The following PHLPP2 variants were observed in gnomAD, a reference collection of about 807,000 sequenced individuals.
PHLPP2 encodes the protein PH domain and leucine rich repeat protein phosphatase 2, also known as PH domain leucine-rich repeat-containing protein phosphatase 2.
A neutral mutation model predicts 124.9 loss-of-function variants in PHLPP2; 66 were observed. That is an observed-to-expected ratio of 0.53 (90% CI 0.43 to 0.65). The LOEUF (loss-of-function observed/expected upper bound fraction) is 0.65. Ranked by LOEUF, PHLPP2 falls within the 30% of genes least tolerant of loss-of-function variation. The probability of loss-of-function intolerance (pLI) is 0.00; values close to 1 mark genes in which losing one functional copy is unlikely to be tolerated. For synonymous variants in PHLPP2, 681 were observed against 624.7 expected, an observed-to-expected ratio of 1.09 and a Z score of -1.34; for missense variants, 1,685 against 1,600.4, an observed-to-expected ratio of 1.05 and a Z score of -0.90.
chr16:71,666,236 T>A (rs2044838694), intron 12 of PHLPP2: 1 of 152,126 alleles, frequency 6.6e-6, no homozygotes, highest in African/African-American at 2.4e-5. Context: ...GTTGTCAGGT[T>A]GGGTGCAGTG....
chr16:71,653,249 C>T (rs986786960), intron 17 of PHLPP2, among the ~76,000 whole-genome samples: 2 of 151,898 alleles, frequency 1.3e-5, no homozygotes, highest in Non-Finnish European at 2.9e-5. Context: ...GAGATAATCT[C>T]CCTTTTGCAT....
intron 9 of PHLPP2, among the ~76,000 whole-genome samples, chr16:71,673,910 T>A (rs1207613259): frequency 1.3e-5 from 2 of 152,126 alleles, no homozygotes; most frequent in Non-Finnish European, 2.9e-5. Context: ...AAGCTACAAT[T>A]TGAAGCTTCT....
In PHLPP2 at chr16:71,691,378, G is replaced by C. The variant is rs558634729; in HGVS notation, c.419-669C>G. On this transcript the variant is annotated intron_variant, in intron 3 of 18. Coordinates refer to ENST00000568954, the MANE Select transcript of PHLPP2 (RefSeq NM_015020.3). ...CAGGAAGCTGAGGCAGGAGAATGGC[G>C]TGAACCCAGAAGGCAAAGCTTGCAG... Among the ~76,000 whole-genome samples the C allele has an allele frequency of 7.9e-5, 12 of 151,896 alleles. No individual in the cohort carries two copies. The South Asian group carries it at 2.5e-3, about 32-fold the overall frequency.
chr16:71,684,664 A>C, intron 4 of PHLPP2, 63 bp from the exon 5 acceptor site: 5 of 1,459,400 alleles, frequency 3.4e-6, no homozygotes, highest in East Asian at 2.3e-5. Context: ...CAAAAAGCAA[A>C]AGGCAATCAC....
intron 4 of PHLPP2, among the ~76,000 whole-genome samples, chr16:71,687,251 T>C (rs1037224198): frequency 1.3e-5 from 2 of 152,208 alleles, no homozygotes; most frequent in Admixed American, 6.5e-5. Context: ...CCCAGTTTTT[T>C]AATGGGTTTG....
intron 3 of PHLPP2, among the ~76,000 whole-genome samples, chr16:71,701,320 C>A (rs1252216858): frequency 3.9e-4 from 3 of 7,776 alleles, no homozygotes; most frequent in Admixed American, 2.2e-3. Flanking sequence ...ATCTATATAT[C>A]TATCTACCTA....
intron 2 of PHLPP2, among the ~76,000 whole-genome samples, chr16:71,702,958 A>T (rs183787374): frequency 6.6e-6 from 1 of 151,836 alleles, no homozygotes; most frequent in Non-Finnish European, 1.5e-5. Flanking sequence ...CCCCACCCTC[A>T]CACCCTTCTG....
Position 71,672,248 on chromosome 16 carries a change from T to C in PHLPP2, c.1532+14A>G, listed in dbSNP as rs746439408. ...TAGTAAGAAGCAAGCGCCACCCTCA[T>C]GAAAGACACTCACCGGGAGAGATCC... On this transcript the variant is annotated intron_variant, in intron 10 of 18. Transcript: ENST00000568954. 6.2e-7 allele frequency: 1 copy of C among 1,606,282 alleles called. No homozygotes were observed. Among genetic ancestry groups the C allele is most frequent in the African/African-American group, 1.3e-5 (1 of 74,754 alleles).
chr16:71,706,350 C>T (rs1185259429), intron 2 of PHLPP2, among the ~76,000 whole-genome samples: 1 of 152,242 alleles, frequency 6.6e-6, no homozygotes, highest in African/African-American at 2.4e-5. Flanking sequence ...TTATTCTAAG[C>T]AGTCCCTATA....
rs760864609 is a variant in PHLPP2 at position 71,648,958 on chromosome 16, G to A, written c.3904C>T (p.Arg1302Trp). 2.2e-5 allele frequency: 36 copies of A among 1,613,720 alleles called. No homozygotes were observed. The highest frequency in any genetic ancestry group is 4.5e-5 in the East Asian group (2 of 44,880). ...TCTTCATGGGGCTCAGGCTCGAGCCGGCTGTCCTGGTGCTGTTTCATTTGT... is the reference window on the plus strand; with the variant it reads ...TCTTCATGGGGCTCAGGCTCGAGCCAGCTGTCCTGGTGCTGTTTCATTTGT... ...KEQMKQHQDS[R>W]LEPEPHEEDR... Residue 1302 changes from arginine (R) to tryptophan (W), a missense_variant, in exon 19 of 19, where the codon CGG becomes TGG. Transcript: ENST00000568954.
chr16:71,682,567 G>A (rs1002918322), intron 5 of PHLPP2, among the ~76,000 whole-genome samples: 4 of 152,154 alleles, frequency 2.6e-5, no homozygotes, highest in African/African-American at 9.7e-5. Context: ...GCCTTCTGTA[G>A]CCACACTAGC....
At chr16:71,684,730 CCTT>C (rs1238883365) in intron 4 of PHLPP2, 129 bp from the exon 5 acceptor site, 4 of 819,292 alleles carry the variant, frequency 4.9e-6, no homozygotes, top group South Asian at 3.7e-5. Context: ...CTCTCTCCCT[CCTT>C]GTCCCCCTCC....
intron 11 of PHLPP2, among the ~76,000 whole-genome samples, chr16:71,667,803 C>T (rs571210335): frequency 1.3e-5 from 2 of 152,332 alleles, no homozygotes; most frequent in Non-Finnish European, 2.9e-5. Flanking sequence ...TAAGATTTCA[C>T]ACTGCATAGT....
intron 3 of PHLPP2, among the ~76,000 whole-genome samples, chr16:71,699,684 G>A (rs1211769961): frequency 6.6e-6 from 1 of 152,216 alleles, no homozygotes; most frequent in Admixed American, 6.5e-5. Flanking sequence ...ACCCTCACTG[G>A]TGGAAAGCAG....
Position 71,658,652 on chromosome 16 carries a change from C to T in PHLPP2, c.2148+1G>A. ...GACATCATTCCAGCACACAGAAGTACCTGGATCTGAGGCAACTGCAGTATT... is the reference window on the plus strand; with the variant it reads ...GACATCATTCCAGCACACAGAAGTATCTGGATCTGAGGCAACTGCAGTATT... On this transcript the variant is annotated splice_donor_variant, in intron 14 of 18. Coordinates refer to ENST00000568954, the MANE Select transcript of PHLPP2 (RefSeq NM_015020.3). LOFTEE classifies it high-confidence loss of function. 6.2e-7 allele frequency: 1 copy of T among 1,613,634 alleles called. No individual in the cohort carries two copies. Among genetic ancestry groups the T allele is most frequent in the Non-Finnish European group, 8.5e-7 (1 of 1,179,644 alleles).
At chr16:71,678,707 G>T in intron 8 of PHLPP2, 48 bp downstream of exon 8, 2 of 945,492 alleles carry the variant, frequency 2.1e-6, no homozygotes, top group Non-Finnish European at 3.5e-6. Context: ...AGACATAAAG[G>T]TCCACCAGAG....
intron 3 of PHLPP2, among the ~76,000 whole-genome samples, chr16:71,692,690 T>C (rs575987480): frequency 5.9e-5 from 9 of 152,344 alleles, no homozygotes; most frequent in Middle Eastern, 3.4e-3. Flanking sequence ...TAGTCTCTTA[T>C]ATAAAATGAA....
intron 3 of PHLPP2, among the ~76,000 whole-genome samples, chr16:71,693,183 A>T (rs923879096): frequency 2.6e-5 from 4 of 152,188 alleles, no homozygotes; most frequent in African/African-American, 9.6e-5. Context: ...GCTACTCAGG[A>T]GGCTGAGGCA....
chr16:71,723,715 G>A, intron 1 of PHLPP2: 1 of 886,858 alleles, frequency 1.1e-6, no homozygotes. Flanking sequence ...TCCCTCCCTA[G>A]TCCGCTTGCC....
Sources: allele counts gnomAD v4.1 joint callset (sites outside exome capture counted in the v4.1 genomes callset), GRCh38; gene constraint gnomAD v4.1.1; transcripts MANE v1.5; gene names NCBI Gene and HGNC (gene_info 2026-07-23, HGNC 2026-07-21).